Variants in SCFD2 observed in about 807,000 individuals in gnomAD.
The protein encoded by SCFD2 is sec1 family domain containing 2, also known as sec1 family domain-containing protein 2.
SCFD2 carries 54 observed loss-of-function variants against 58.9 expected under a neutral mutation model. The observed-to-expected ratio is 0.92, with a 90% CI of 0.74 to 1.15. SCFD2 has a LOEUF of 1.15. Ranked by LOEUF, SCFD2 falls within the 50% of genes most tolerant of loss-of-function variation. SCFD2 has a pLI of 0.00. For synonymous variants in SCFD2, 321 were observed against 335.9 expected, an observed-to-expected ratio of 0.96 and a Z score of 0.49; for missense variants, 805 against 836.6, an observed-to-expected ratio of 0.96 and a Z score of 0.47.
intron 7 of SCFD2, among the ~76,000 whole-genome samples, chr4:52,896,756 T>C (rs962001544): frequency 1.3e-5 from 2 of 152,238 alleles, no homozygotes; most frequent in African/African-American, 4.8e-5. Flanking sequence ...TTGGGCAGCA[T>C]GGCCATTTTC....
At chr4:52,876,736 C>T (rs547999642) in intron 8 of SCFD2, among the ~76,000 whole-genome samples, 3 of 121,310 alleles carry the variant, frequency 2.5e-5, no homozygotes, top group South Asian at 2.6e-4. Context: ...GGTAACAGAG[C>T]GAAACTCTGT....
At chr4:53,252,685 T>G (rs1330195581) in intron 4 of SCFD2, among the ~76,000 whole-genome samples, 1 of 152,132 alleles carries the variant, frequency 6.6e-6, no homozygotes, top group Non-Finnish European at 1.5e-5. Context: ...TAGCCATATG[T>G]AGAAAGCTGA....
At chr4:53,045,001 T>C (rs1445584203) in intron 5 of SCFD2, among the ~76,000 whole-genome samples, 5 of 135,360 alleles carry the variant, frequency 3.7e-5, no homozygotes, top group African/African-American at 1.1e-4. Flanking sequence ...ATTCTTAAAA[T>C]AAGCAATGCT....
At chr4:53,088,007 C>T (rs1026587071) in intron 5 of SCFD2, among the ~76,000 whole-genome samples, 8 of 151,966 alleles carry the variant, frequency 5.3e-5, no homozygotes, top group East Asian at 1.9e-4. Context: ...TGGCTCCTTC[C>T]GACTGCTTAT....
intron 1 of SCFD2, among the ~76,000 whole-genome samples, chr4:53,356,265 A>G (rs1734396696): frequency 6.6e-6 from 1 of 152,202 alleles, no homozygotes; most frequent in Admixed American, 6.5e-5. Flanking sequence ...AAAAAGATGC[A>G]ATACCTTTTA....
intron 5 of SCFD2, among the ~76,000 whole-genome samples, chr4:53,029,998 A>T (rs1202993840): frequency 1.3e-5 from 2 of 152,228 alleles, no homozygotes; most frequent in Non-Finnish European, 2.9e-5. Context: ...ATAAAAATTT[A>T]AAACTTCTGA....
intron 4 of SCFD2, among the ~76,000 whole-genome samples, chr4:53,271,374 C>T (rs970169689): frequency 6.6e-6 from 1 of 151,812 alleles, no homozygotes; most frequent in African/African-American, 2.4e-5. Context: ...GTATAGATTG[C>T]ATAAATAAAT....
At chr4:53,215,628 GC>G (rs1337670136) in intron 4 of SCFD2, among the ~76,000 whole-genome samples, 2 of 151,990 alleles carry the variant, frequency 1.3e-5, no homozygotes, top group African/African-American at 4.8e-5. Context: ...CTAACTGAAT[GC>G]CCTTTATTTC....
chr4:52,924,982 G>A (rs897652924), intron 5 of SCFD2, among the ~76,000 whole-genome samples: 7 of 152,154 alleles, frequency 4.6e-5, no homozygotes, highest in African/African-American at 1.7e-4. Context: ...GATAATAGTA[G>A]TATATAAGCG....
intron 3 of SCFD2, among the ~76,000 whole-genome samples, chr4:53,312,061 G>A (rs1484735332): frequency 6.6e-6 from 1 of 152,074 alleles, no homozygotes; most frequent in African/African-American, 2.4e-5. Context: ...GATGGGAGAT[G>A]GAGGGACAGA....
At chr4:52,928,746 T>C (rs1292327288) in intron 5 of SCFD2, among the ~76,000 whole-genome samples, 2 of 151,978 alleles carry the variant, frequency 1.3e-5, no homozygotes, top group African/African-American at 2.4e-5. Context: ...GGAAGACAGG[T>C]GAGAGGAGGC....
chr4:53,055,469 G>GGTTT (rs1237858448), intron 5 of SCFD2, among the ~76,000 whole-genome samples: 8 of 152,038 alleles, frequency 5.3e-5, no homozygotes, highest in African/African-American at 1.9e-4. Flanking sequence ...GAGTCCTGAG[G>GGTTT]GTTTGGAAAG....
At chr4:52,987,439 C>G (rs1163791967) in intron 5 of SCFD2, among the ~76,000 whole-genome samples, 1 of 152,166 alleles carries the variant, frequency 6.6e-6, no homozygotes, top group Non-Finnish European at 1.5e-5. Flanking sequence ...ATGGCCATTC[C>G]TTTCTTCACA....
chr4:52,947,465 G>C (rs1560489834), intron 5 of SCFD2, among the ~76,000 whole-genome samples: 1 of 152,116 alleles, frequency 6.6e-6, no homozygotes, highest in Non-Finnish European at 1.5e-5. Flanking sequence ...TTGATTCTAA[G>C]ACACCTATGC....
chr4:53,178,188 G>C (rs769609598), intron 4 of SCFD2, among the ~76,000 whole-genome samples: 2 of 152,166 alleles, frequency 1.3e-5, no homozygotes, highest in Non-Finnish European at 2.9e-5. Flanking sequence ...CCTGAGAACA[G>C]GCAGACGGCC....
At chr4:52,920,254 G>C (rs1322521906) in intron 6 of SCFD2, among the ~76,000 whole-genome samples, 1 of 152,204 alleles carries the variant, frequency 6.6e-6, no homozygotes, top group Non-Finnish European at 1.5e-5. Context: ...GAAAGCAGTG[G>C]AGGAATTTTA....
chr4:53,077,737 C>T (rs777194441), intron 5 of SCFD2, among the ~76,000 whole-genome samples: 1 of 152,134 alleles, frequency 6.6e-6, no homozygotes, highest in African/African-American at 2.4e-5. Flanking sequence ...GGCGGCTGGC[C>T]TCATGAACAT....
chr4:52,907,362 A>G (rs1719370887), intron 7 of SCFD2, 95 bp downstream of exon 7: 4 of 1,206,448 alleles, frequency 3.3e-6, no homozygotes, highest in Admixed American at 1.8e-5. Flanking sequence ...TGTTATCTGT[A>G]TGGTGCTGGC....
chr4:53,069,539 G>A (rs1026756164), intron 5 of SCFD2, among the ~76,000 whole-genome samples: 1 of 151,942 alleles, frequency 6.6e-6, no homozygotes, highest in Non-Finnish European at 1.5e-5. Flanking sequence ...TTTTACTTTC[G>A]AGGTGGCTCT....
Sources: allele counts gnomAD v4.1 joint callset (sites outside exome capture counted in the v4.1 genomes callset), GRCh38; gene constraint gnomAD v4.1.1; transcripts MANE v1.5; gene names NCBI Gene and HGNC (gene_info 2026-07-23, HGNC 2026-07-21).